MFAP1: variants seen among roughly 807,000 people sequenced by gnomAD.
MFAP1 encodes microfibril associated protein 1.
Under a neutral mutation model 62.2 loss-of-function variants are expected in MFAP1, and 18 were observed. The observed-to-expected ratio is 0.29, with a 90% CI of 0.20 to 0.43. MFAP1 has a LOEUF of 0.43. MFAP1 is among the 20% of genes least tolerant of loss of function. The pLI is 1.00. For missense variants in MFAP1, 355 were observed against 559.7 expected, an observed-to-expected ratio of 0.63 and a Z score of 3.69; for synonymous variants, 175 against 180.4, an observed-to-expected ratio of 0.97 and a Z score of 0.24.
chr15:43,820,848 T>A (rs1013803485), intron 1 of MFAP1, among the ~76,000 whole-genome samples: 1 of 152,144 alleles, frequency 6.6e-6, no homozygotes, highest in Non-Finnish European at 1.5e-5. Context: ...ACTCAAGTGA[T>A]CCTCTTGCCT....
rs780384348 is a variant in MFAP1, at chr15:43,813,323, C to T, written c.652G>A (p.Glu218Lys). The T allele has an allele frequency of 3.1e-6, 5 of 1,610,438 alleles. No individual in the cohort carries two copies. The highest frequency in any genetic ancestry group is 1.7e-5 in the Admixed American group (1 of 58,382). Residue 218 changes from glutamate (E) to lysine (K), a missense_variant, in exon 5 of 9, where the codon GAA becomes AAA. Transcript: ENST00000267812. ...DRVTVQEREAEALKQKELEQE... is the reference protein window; with the variant it reads ...DRVTVQEREAKALKQKELEQE... ...TCCAGCTCCTTCTGTTTCAATGCTT[C>T]GGCTTCACGTTCTTGAACTGTCACT...
chr15:43,808,117 G>C (rs1308666882), intron 7 of MFAP1, among the ~76,000 whole-genome samples: 1 of 152,252 alleles, frequency 6.6e-6, no homozygotes, highest in African/African-American at 2.4e-5. Context: ...TCTAGCCTGA[G>C]TGATAATATT....
At chr15:43,805,890 G>A (rs1203741818) in intron 7 of MFAP1, among the ~76,000 whole-genome samples, 2 of 151,844 alleles carry the variant, frequency 1.3e-5, no homozygotes, top group Non-Finnish European at 2.9e-5. Flanking sequence ...GGGATTACAG[G>A]TGTGAACCAC....
intron 7 of MFAP1, among the ~76,000 whole-genome samples, chr15:43,808,937 G>C (rs772078244): frequency 3.3e-5 from 5 of 152,294 alleles, no homozygotes; most frequent in East Asian, 1.9e-4. Flanking sequence ...CAAAGATGAC[G>C]GCATTCCATC....
intron 6 of MFAP1, among the ~76,000 whole-genome samples, chr15:43,812,430 T>A (rs1273615524): frequency 6.6e-6 from 1 of 152,140 alleles, no homozygotes; most frequent in African/African-American, 2.4e-5. Flanking sequence ...GACCTTGCCC[T>A]CTTAGAATGG....
chr15:43,807,251 T>C (rs1321584333), intron 7 of MFAP1, among the ~76,000 whole-genome samples: 2 of 149,504 alleles, frequency 1.3e-5, no homozygotes, highest in Non-Finnish European at 3.0e-5. Flanking sequence ...CTTGGGGGAC[T>C]GGGGCAGGAG....
chr15:43,807,305 C>T (rs765731987), intron 7 of MFAP1, among the ~76,000 whole-genome samples: 88 of 150,334 alleles, frequency 5.9e-4, no homozygotes, highest in Non-Finnish European at 1.1e-3. Flanking sequence ...GAGCCAAGAT[C>T]GCACCACTGC....
intron 7 of MFAP1, among the ~76,000 whole-genome samples, chr15:43,805,937 G>T (rs1006879679): frequency 6.8e-6 from 1 of 147,582 alleles, no homozygotes; most frequent in Non-Finnish European, 1.5e-5. Context: ...TTCCTTTGTT[G>T]TATTTCTCCT....
chr15:43,819,767 A>C (rs1214672009), intron 1 of MFAP1, among the ~76,000 whole-genome samples: 2 of 152,188 alleles, frequency 1.3e-5, no homozygotes, highest in Non-Finnish European at 2.9e-5. Context: ...TCCTGACCTC[A>C]GGTGATCTGC....
chr15:43,820,258 A>G (rs2087459461), intron 1 of MFAP1, among the ~76,000 whole-genome samples: 2 of 152,158 alleles, frequency 1.3e-5, no homozygotes, highest in African/African-American at 2.4e-5. Flanking sequence ...CGGAGCTTGC[A>G]GTGAGCCGAG....
intron 7 of MFAP1, among the ~76,000 whole-genome samples, chr15:43,807,777 A>C (rs1328793303): frequency 2.0e-5 from 3 of 152,222 alleles, no homozygotes. Flanking sequence ...TATAGTGATT[A>C]TGTATTCTCG....
chr15:43,813,498 C>T (rs2087415787), intron 4 of MFAP1, 141 bp from the exon 5 acceptor site: 1 of 555,094 alleles, frequency 1.8e-6, no homozygotes, highest in Non-Finnish European at 3.0e-6. Context: ...AACGCTGAGT[C>T]ATCCCAGGTC....
intron 7 of MFAP1, among the ~76,000 whole-genome samples, chr15:43,809,152 T>C (rs1276411274): frequency 6.6e-6 from 1 of 152,114 alleles, no homozygotes; most frequent in Non-Finnish European, 1.5e-5. Flanking sequence ...TAGTCCACTA[T>C]CTGTACAGAT....
At chr15:43,823,896 C>A (rs2087482761) in intron 1 of MFAP1, among the ~76,000 whole-genome samples, 1 of 152,116 alleles carries the variant, frequency 6.6e-6, no homozygotes, top group East Asian at 1.9e-4. Context: ...CCCAGGAATT[C>A]GAGTCCAGCC....
At position 43,809,911 on chromosome 15, in the gene MFAP1, A is replaced by G; in HGVS notation, c.891T>C (p.Leu297=). ...IKRDREDREA[L]EKEKAEIERM... Reference sequence around the variant, plus strand: ...GTTCAATTTCTGCTTTCTCCTTCTCAAGCCTGTCCAGGGAGCAAAACAATT... The same window carrying G: ...GTTCAATTTCTGCTTTCTCCTTCTCGAGCCTGTCCAGGGAGCAAAACAATT... Residue 297 remains leucine, a synonymous_variant, in exon 7 of 9, where the codon CTT becomes CTC. Transcript: ENST00000267812. The G allele has an allele frequency of 1.9e-6, 3 of 1,614,088 alleles. No homozygotes were observed. Among genetic ancestry groups the G allele is most frequent in the Middle Eastern group, 1.6e-4 (1 of 6,062 alleles).
At chr15:43,813,503 C>T (rs939611368) in intron 4 of MFAP1, 146 bp from the exon 5 acceptor site, 24 of 621,212 alleles carry the variant, frequency 3.9e-5, no homozygotes, top group African/African-American at 3.5e-4. Context: ...TGAGTCATCC[C>T]AGGTCTTTTT....
chr15:43,805,903 C>T (rs1442789125), intron 7 of MFAP1, among the ~76,000 whole-genome samples: 4 of 151,816 alleles, frequency 2.6e-5, no homozygotes, highest in African/African-American at 7.3e-5. Flanking sequence ...TGAACCACTG[C>T]GCCCGGCCGA....
At chr15:43,806,473 T>G (rs986622782) in intron 7 of MFAP1, among the ~76,000 whole-genome samples, 1 of 152,216 alleles carries the variant, frequency 6.6e-6, no homozygotes, top group Non-Finnish European at 1.5e-5. Flanking sequence ...GTTATTAGTT[T>G]TCCTCTACTA....
chr15:43,823,465 C>T (rs2087479925), intron 1 of MFAP1, among the ~76,000 whole-genome samples: 1 of 151,936 alleles, frequency 6.6e-6, no homozygotes, highest in Non-Finnish European at 1.5e-5. Flanking sequence ...CGACCTCCAC[C>T]TCCCGGGTTC....
Sources: gnomAD v4.1 joint callset for allele counts (sites outside exome capture counted in the v4.1 genomes callset) on GRCh38, gnomAD v4.1.1 for gene constraint, MANE v1.5 for transcripts, NCBI Gene and HGNC (gene_info 2026-07-23, HGNC 2026-07-21) for gene names.